The following FAM81A variants were observed in gnomAD, a reference collection of about 807,000 sequenced individuals.
FAM81A encodes family with sequence similarity 81 member A, also known as protein FAM81A.
FAM81A carries 19 observed loss-of-function variants against 46.7 expected under a neutral mutation model. The ratio of observed to expected loss-of-function variants is 0.41; its 90% CI spans 0.28 to 0.60. FAM81A has a LOEUF of 0.60. Among genes scored for constraint, FAM81A ranks in the 20% least tolerant of loss-of-function variants. The pLI, the probability that FAM81A is intolerant of heterozygous loss-of-function variation, is 0.34. For synonymous variants in FAM81A, 183 were observed against 152.9 expected, an observed-to-expected ratio of 1.20 and a Z score of -1.45; for missense variants, 377 against 453.5, an observed-to-expected ratio of 0.83 and a Z score of 1.53.
At chr15:59,468,313 A>G (rs2081641060) in intron 3 of FAM81A, among the ~76,000 whole-genome samples, 1 of 152,164 alleles carries the variant, frequency 6.6e-6, no homozygotes, top group Non-Finnish European at 1.5e-5. Context: ...CTCTGGTAGA[A>G]TTCGGCTGTG....
At chr15:59,441,941 C>T (rs1220412246) in intron 1 of FAM81A, among the ~76,000 whole-genome samples, 1 of 152,228 alleles carries the variant, frequency 6.6e-6, no homozygotes, top group Non-Finnish European at 1.5e-5. Flanking sequence ...ACTGGGCGCC[C>T]TCGCCCACTT....
At chr15:59,412,581 G>C (rs1406772156) in intron 2 of FAM81A, among the ~76,000 whole-genome samples, 1 of 152,096 alleles carries the variant, frequency 6.6e-6, no homozygotes, top group Non-Finnish European at 1.5e-5. Flanking sequence ...ACAAAAATTA[G>C]CTTGGCGTGG....
chr15:59,522,111 A>G lies in FAM81A; in HGVS notation c.*733A>G, dbSNP rs2082334034. 6.6e-6 allele frequency: 1 copy of G among 152,662 alleles called. No individual in the cohort carries two copies. 9.5% of individuals were successfully genotyped at this position (152,662 alleles called of 1,614,324 possible). On this transcript the variant is annotated 3_prime_UTR_variant, in exon 9 of 9. Coordinates refer to ENST00000288228, the MANE Select transcript of FAM81A (RefSeq NM_152450.3). ...TATTTTTGAATTATCCACAACCTGT[A>G]TAGTGATAGCCATATATTTAATAAT...
At chr15:59,432,761 G>A (rs757980355) in intron 2 of FAM81A, among the ~76,000 whole-genome samples, 1 of 152,150 alleles carries the variant, frequency 6.6e-6, no homozygotes. Flanking sequence ...CAGGGCTGAG[G>A]GGAGGTGAGT....
upstream of FAM81A, among the ~76,000 whole-genome samples, chr15:59,435,180 G>A (rs756825987): frequency 4.6e-5 from 7 of 152,202 alleles, no homozygotes; most frequent in South Asian, 4.1e-4. Flanking sequence ...CCAGCTCCTC[G>A]GGAGGCTGAG....
intron 2 of FAM81A, among the ~76,000 whole-genome samples, chr15:59,409,282 G>A (rs12593895): frequency 6.6e-6 from 1 of 151,898 alleles, no homozygotes; most frequent in Admixed American, 6.6e-5. Flanking sequence ...CATTATGCCC[G>A]AAGATGCCTT....
At chr15:59,434,856 C>A (rs2081236162), upstream of FAM81A, among the ~76,000 whole-genome samples, 1 of 152,016 alleles carries the variant, frequency 6.6e-6, no homozygotes, top group African/African-American at 2.4e-5. Flanking sequence ...ACCACGTTGA[C>A]CTACACAAGC....
At chr15:59,446,620 TG>T (rs1290529085) in intron 1 of FAM81A, 2 of 152,220 alleles carry the variant, frequency 1.3e-5, no homozygotes, top group Admixed American at 6.5e-5. Flanking sequence ...TCTTGCTAAG[TG>T]GACTCAAGGC....
At chr15:59,415,334 G>T (rs1014285794) in intron 2 of FAM81A, among the ~76,000 whole-genome samples, 1 of 151,968 alleles carries the variant, frequency 6.6e-6, no homozygotes, top group East Asian at 1.9e-4. Flanking sequence ...TGGCCAAGCT[G>T]GTCTTGAACT....
intron 1 of FAM81A, among the ~76,000 whole-genome samples, chr15:59,439,358 T>C (rs2081272126): frequency 6.6e-6 from 1 of 151,270 alleles, no homozygotes; most frequent in Admixed American, 6.6e-5. Context: ...GTATCTGCCT[T>C]CTGGGCCCTG....
At chr15:59,484,379 G>A (rs2081891876) in intron 3 of FAM81A, among the ~76,000 whole-genome samples, 2 of 152,098 alleles carry the variant, frequency 1.3e-5, no homozygotes. Context: ...ACAAAATAAA[G>A]CACCTTCATG....
chr15:59,490,159 A>G (rs1456598596), intron 3 of FAM81A, among the ~76,000 whole-genome samples: 1 of 152,172 alleles, frequency 6.6e-6, no homozygotes, highest in Non-Finnish European at 1.5e-5. Flanking sequence ...ACTATGAAAC[A>G]ACTAAAAGAA....
chr15:59,469,674 G>T (rs568402082), intron 3 of FAM81A, among the ~76,000 whole-genome samples: 3 of 151,874 alleles, frequency 2.0e-5, no homozygotes, highest in African/African-American at 7.3e-5. Flanking sequence ...TATCCAATTT[G>T]CCAGTCTGTG....
In FAM81A at chr15:59,454,563, TTACTC is replaced by T. The variant is rs373650350; in HGVS notation, c.-77-3985_-77-3981del. On this transcript the variant is annotated intron_variant, in intron 1 of 8. Coordinates refer to ENST00000288228, the MANE Select transcript of FAM81A (RefSeq NM_152450.3). ...TTGATTTAGATAATAGCATTTCACTTTACTCTTCTGTGAACTTCTGAATTCTATTT... is the reference window on the plus strand; with the variant it reads ...TTGATTTAGATAATAGCATTTCACTTTTCTGTGAACTTCTGAATTCTATTT... 1.2e-3 allele frequency among the ~76,000 whole-genome samples: 187 copies of T among 152,310 alleles called. No individual in the cohort carries two copies. The Middle Eastern group carries it at 0.014, about 11-fold the overall frequency.
At chr15:59,403,887 CTTT>C (rs11387570) in intron 2 of FAM81A, among the ~76,000 whole-genome samples, 1 of 140,084 alleles carries the variant, frequency 7.1e-6, no homozygotes. Context: ...CTTTTCTTTT[CTTT>C]TTTTTTTTTT....
intron 1 of FAM81A, chr15:59,401,802 T>G (rs1268808017): frequency 9.5e-6 from 7 of 739,736 alleles, no homozygotes; most frequent in African/African-American, 1.8e-5. Flanking sequence ...TCTCTTTTCA[T>G]GCATCTTGAT....
intron 3 of FAM81A, among the ~76,000 whole-genome samples, chr15:59,486,969 G>A (rs2081924043): frequency 6.6e-6 from 1 of 151,828 alleles, no homozygotes; most frequent in Non-Finnish European, 1.5e-5. Context: ...GTAATAGTAA[G>A]TACACAGAAA....
intron 2 of FAM81A, among the ~76,000 whole-genome samples, chr15:59,412,952 C>G (rs1410018453): frequency 6.6e-6 from 1 of 152,122 alleles, no homozygotes; most frequent in Non-Finnish European, 1.5e-5. Context: ...AAAATTAAAA[C>G]GTAAGAAAAA....
At chr15:59,400,099 T>A (rs534949575) in intron 1 of FAM81A, among the ~76,000 whole-genome samples, 7 of 152,242 alleles carry the variant, frequency 4.6e-5, no homozygotes, top group African/African-American at 1.4e-4. Flanking sequence ...ATTTGTGAAC[T>A]GGGAAACAGG....
Sources: gnomAD v4.1 joint callset for allele counts (sites outside exome capture counted in the v4.1 genomes callset) on GRCh38, gnomAD v4.1.1 for gene constraint, MANE v1.5 for transcripts, NCBI Gene and HGNC (gene_info 2026-07-23, HGNC 2026-07-21) for gene names.